The following VPS13B variants were observed in gnomAD, a reference collection of about 807,000 sequenced individuals.
VPS13B encodes the protein vacuolar protein sorting 13 homolog B, also known as intermembrane lipid transfer protein VPS13B.
A neutral mutation model predicts 426.4 loss-of-function variants in VPS13B; 285 were observed. The observed-to-expected ratio is 0.67, with a 90% CI of 0.61 to 0.74. VPS13B has a LOEUF of 0.74. Among genes scored for constraint, VPS13B ranks in the 30% least tolerant of loss-of-function variants. The pLI is 0.00. For missense variants in VPS13B, 4,537 were observed against 4,782.6 expected (o/e 0.95, Z 1.51); for synonymous variants, 1,676 against 1,676.4 (o/e 1.00, Z 0.01).
Position 99,821,374 on chromosome 8 carries a change from G to T in VPS13B, c.9075G>T (p.Leu3025=). ...TAGCAATTAAACTGGTCCATAACCT[G>T]ACATCTCCAAAGTGGAAAGATGGAG... The part of the protein sequence containing the change: ...KSVAIKLVHN[L]TSPKWKDGGN... Residue 3025 remains leucine (L), a synonymous_variant, in exon 50 of 62, where the codon CTG becomes CTT. Coordinates refer to ENST00000357162, the MANE Select transcript of VPS13B (RefSeq NM_152564.5). 1 of 1,613,844 alleles carries T rather than the reference G, an allele frequency of 6.2e-7. No homozygotes were observed. Among genetic ancestry groups the T allele is most frequent in the South Asian group, 1.1e-5 (1 of 91,060 alleles).
chr8:99,203,653 A>G (rs2132765947), intron 17 of VPS13B, among the ~76,000 whole-genome samples: 1 of 152,344 alleles, frequency 6.6e-6, no homozygotes, highest in South Asian at 2.1e-4. Flanking sequence ...CTGATAAGCA[A>G]CTTCAGCAAA....
chr8:99,646,663 C>T (rs775452101), intron 34 of VPS13B, among the ~76,000 whole-genome samples: 7 of 152,128 alleles, frequency 4.6e-5, no homozygotes, highest in African/African-American at 9.7e-5. Flanking sequence ...ATGTGACTCT[C>T]AGTGTTGAAG....
At position 99,237,875 on chromosome 8, in the gene VPS13B, T is replaced by A. The variant is rs1014616450; in HGVS notation, c.2516-36323T>A. Among the ~76,000 whole-genome samples the A allele has an allele frequency of 4.0e-5, 6 of 151,318 alleles. No homozygotes were observed. The East Asian group carries it at 7.7e-4, about 19-fold the overall frequency. ...TGCATTGTGCAGGTTGGGGTTATTT[T>A]TTTTTTTTTTTAATTAAGAATGGCA... On this transcript the variant is annotated intron_variant, in intron 17 of 61. Coordinates refer to ENST00000357162, the MANE Select transcript of VPS13B (RefSeq NM_152564.5).
At chr8:99,416,983 G>A (rs1349489221) in intron 21 of VPS13B, among the ~76,000 whole-genome samples, 1 of 152,042 alleles carries the variant, frequency 6.6e-6, no homozygotes, top group African/African-American at 2.4e-5. Flanking sequence ...GCTCTTCTAG[G>A]GCAGGGATTG....
At chr8:99,491,236 A>T (rs954560304) in intron 25 of VPS13B, among the ~76,000 whole-genome samples, 2 of 152,168 alleles carry the variant, frequency 1.3e-5, no homozygotes, top group African/African-American at 2.4e-5. Flanking sequence ...ATCCGCTGTT[A>T]GTCTGATGGG....
intron 2 of VPS13B, among the ~76,000 whole-genome samples, chr8:99,034,200 G>A (rs968011200): frequency 8.5e-5 from 13 of 152,162 alleles, no homozygotes; most frequent in African/African-American, 2.4e-4. Flanking sequence ...TCTGTTTCGT[G>A]TGCCTTCTGA....
intron 19 of VPS13B, among the ~76,000 whole-genome samples, chr8:99,330,707 G>A (rs550686844): frequency 5.9e-5 from 9 of 151,798 alleles, no homozygotes; most frequent in Admixed American, 5.9e-4. Context: ...GCGTTACAGT[G>A]GTACCACTGG....
At chr8:99,835,953 G>A (rs1185564824) in intron 54 of VPS13B, among the ~76,000 whole-genome samples, 2 of 152,170 alleles carry the variant, frequency 1.3e-5, no homozygotes, top group African/African-American at 2.4e-5. Context: ...ATTGACTAGA[G>A]AGGAGCACTA....
At chr8:99,873,845 A>G (rs548434015) in intron 61 of VPS13B, among the ~76,000 whole-genome samples, 4 of 152,284 alleles carry the variant, frequency 2.6e-5, no homozygotes, top group African/African-American at 9.6e-5. Flanking sequence ...GTGCATCCCA[A>G]CATAATCCAC....
intron 2 of VPS13B, among the ~76,000 whole-genome samples, chr8:99,020,828 G>C (rs1432223831): frequency 1.3e-5 from 2 of 152,154 alleles, no homozygotes; most frequent in Non-Finnish European, 2.9e-5. Context: ...CTATCACACT[G>C]TTTGGATTAT....
At chr8:99,473,794 C>T (rs1819539602) in intron 24 of VPS13B, among the ~76,000 whole-genome samples, 1 of 152,170 alleles carries the variant, frequency 6.6e-6, no homozygotes, top group African/African-American at 2.4e-5. Context: ...TAACAAAACT[C>T]ACCAAGCTTT....
chr8:99,360,184 TTCTTTCTC>T (rs1430217681), intron 19 of VPS13B, among the ~76,000 whole-genome samples: 403 of 35,124 alleles, frequency 0.011, no homozygotes, highest in South Asian at 0.018. Flanking sequence ...CTTTCTTTCT[TTCTTTCTC>T]TCTCTCTCTC....
chr8:99,360,715 A>C (rs1343250387), intron 19 of VPS13B, among the ~76,000 whole-genome samples: 1 of 152,162 alleles, frequency 6.6e-6, no homozygotes, highest in East Asian at 1.9e-4. Context: ...TGGCAAGGGC[A>C]AAAGGTGGTG....
chr8:99,134,872 T>A, intron 9 of VPS13B, 143 bp from the exon 10 acceptor site: 1 of 1,188,754 alleles, frequency 8.4e-7, no homozygotes, highest in Non-Finnish European at 1.2e-6. Context: ...ATCTCATGGA[T>A]AGTATAAATA....
chr8:99,426,063 T>A (rs1429557066), intron 21 of VPS13B, among the ~76,000 whole-genome samples: 2 of 70,258 alleles, frequency 2.8e-5, no homozygotes, highest in Admixed American at 1.9e-4. Flanking sequence ...CCTCCCCCCC[T>A]CCCCCCACCC....
chr8:99,821,600 T>A (rs1814372362), intron 50 of VPS13B, 118 bp downstream of exon 50: 1 of 1,209,924 alleles, frequency 8.3e-7, no homozygotes, highest in Admixed American at 1.8e-5. Flanking sequence ...CTAAACAATT[T>A]ATAACAGTAC....
chr8:99,116,463 T>C (rs1177546670), intron 7 of VPS13B, among the ~76,000 whole-genome samples: 1 of 152,190 alleles, frequency 6.6e-6, no homozygotes, highest in Non-Finnish European at 1.5e-5. Context: ...AATGAGGGTT[T>C]TGCTCTGTCA....
At chr8:99,780,892 G>A (rs1178994743) in intron 42 of VPS13B, among the ~76,000 whole-genome samples, 1 of 152,188 alleles carries the variant, frequency 6.6e-6, no homozygotes, top group Non-Finnish European at 1.5e-5. Context: ...TGTTCTGAAT[G>A]TGGTTTATCC....
intron 35 of VPS13B, among the ~76,000 whole-genome samples, chr8:99,698,989 C>G (rs1448004802): frequency 6.6e-6 from 1 of 150,710 alleles, no homozygotes; most frequent in Non-Finnish European, 1.5e-5. Context: ...GGTACAGGGA[C>G]TCTTCTGGTT....
Sources: allele counts gnomAD v4.1 joint callset (sites outside exome capture counted in the v4.1 genomes callset), GRCh38; gene constraint gnomAD v4.1.1; transcripts MANE v1.5; gene names NCBI Gene and HGNC (gene_info 2026-07-23, HGNC 2026-07-21).